The following CCDC152 variants were observed in gnomAD, a reference collection of about 807,000 sequenced individuals.
CCDC152 encodes the protein coiled-coil domain-containing protein 152.
A neutral mutation model predicts 38.1 loss-of-function variants in CCDC152; 37 were observed. The ratio of observed to expected loss-of-function variants is 0.97; its 90% CI spans 0.75 to 1.28. The LOEUF is 1.28. CCDC152 is among the 50% of genes most tolerant of loss of function. The probability of loss-of-function intolerance (pLI) is 0.00; values close to 1 mark genes in which losing one functional copy is unlikely to be tolerated. For synonymous variants in CCDC152, 83 were observed against 87.1 expected (o/e 0.95, Z 0.26); for missense variants, 259 against 292.1 (o/e 0.89, Z 0.83).
rs2111563164 is a variant in CCDC152 at position 42,779,591 on chromosome 5, A to AG, written c.327+69_327+70insG. 6.5e-6 allele frequency: 6 copies of AG among 928,976 alleles called. No individual in the cohort carries two copies. The East Asian group carries it at 1.6e-4, about 25-fold the overall frequency. 57.5% of individuals were successfully genotyped at this position (928,976 alleles called of 1,614,324 possible). On this transcript the variant is annotated intron_variant, in intron 5 of 8. Coordinates refer to ENST00000361970, the MANE Select transcript of CCDC152 (RefSeq NM_001134848.2). Reference sequence around the variant, plus strand: ...TTTATCTTTTCAAATTAGGAAAAAAAAAGAGGTTTTTAAATTAATAAACAC... The same window carrying AG: ...TTTATCTTTTCAAATTAGGAAAAAAAGAAGAGGTTTTTAAATTAATAAACAC...
intron 5 of CCDC152, 136 bp downstream of exon 5, chr5:42,779,658 T>A: frequency 2.2e-6 from 1 of 461,890 alleles, no homozygotes; most frequent in African/African-American, 2.0e-5. Context: ...GAGATATACG[T>A]ATATATGCCA....
chr5:42,797,218 C>T (rs1045791146), intron 7 of CCDC152, among the ~76,000 whole-genome samples: 1 of 152,238 alleles, frequency 6.6e-6, no homozygotes. Context: ...ATATTGCTTC[C>T]TCTGAGAACT....
At chr5:42,779,310 C>A in intron 4 of CCDC152, 148 bp from the exon 5 acceptor site, 1 of 584,806 alleles carries the variant, frequency 1.7e-6, no homozygotes. Context: ...TTCATATTCT[C>A]AGTGTCTAGC....
rs536394779 is a variant in CCDC152, at chr5:42,767,514, A to C, written c.194-2083A>C. Among the ~76,000 whole-genome samples, 4 of 152,296 alleles carry C rather than the reference A, an allele frequency of 2.6e-5. No individual in the cohort carries two copies. In the East Asian group the frequency reaches 7.7e-4, roughly 29 times the overall value. On this transcript the variant is annotated intron_variant, in intron 3 of 8. Coordinates refer to ENST00000361970, the MANE Select transcript of CCDC152 (RefSeq NM_001134848.2). ...CTTAATATTCTGACCTCTGGTTTTT[A>C]GGAAGAATTTAATAGGCCAGCATTT...
chr5:42,796,535 G>A (rs1485900955), intron 6 of CCDC152, among the ~76,000 whole-genome samples: 1 of 152,152 alleles, frequency 6.6e-6, no homozygotes, highest in Non-Finnish European at 1.5e-5. Flanking sequence ...CTCAGGCTTT[G>A]TGTCCCTCTT....
intron 3 of CCDC152, among the ~76,000 whole-genome samples, chr5:42,764,303 G>A (rs945168747): frequency 1.3e-5 from 2 of 152,130 alleles, no homozygotes; most frequent in Non-Finnish European, 2.9e-5. Flanking sequence ...CCAGTTACTC[G>A]GGAGATTGAG....
intron 4 of CCDC152, among the ~76,000 whole-genome samples, chr5:42,770,683 G>A (rs1759685563): frequency 6.6e-6 from 1 of 152,052 alleles, no homozygotes; most frequent in Non-Finnish European, 1.5e-5. Flanking sequence ...GAATGTCATT[G>A]GCATTTTGAT....
intron 6 of CCDC152, among the ~76,000 whole-genome samples, chr5:42,789,456 C>T (rs1412997482): frequency 6.6e-6 from 1 of 152,250 alleles, no homozygotes; most frequent in Middle Eastern, 3.4e-3. Context: ...CCTTGGCCTC[C>T]CAAAGTGCTG....
chr5:42,773,754 T>C (rs1759731367), intron 4 of CCDC152, among the ~76,000 whole-genome samples: 1 of 152,198 alleles, frequency 6.6e-6, no homozygotes, highest in Non-Finnish European at 1.5e-5. Context: ...CATATTAAGT[T>C]AAAAAGTAGT....
In CCDC152 at chr5:42,800,884, A is replaced by C. The variant is rs1282353306; in HGVS notation, c.*1103A>C. 1.2e-6 allele frequency: 2 copies of C among 1,614,220 alleles called. No individual in the cohort carries two copies. Among genetic ancestry groups the C allele is most frequent in the Middle Eastern group, 1.6e-4 (1 of 6,062 alleles). On this transcript the variant is annotated 3_prime_UTR_variant, in exon 9 of 9. Transcript: ENST00000361970. Reference sequence around the variant, plus strand: ...TCTGCCCGAAGTCCCTGTCAGCTACATAAAGATGGGAGGTTTTCTTTACAC... The same window carrying C: ...TCTGCCCGAAGTCCCTGTCAGCTACCTAAAGATGGGAGGTTTTCTTTACAC...
chr5:42,791,842 A>C (rs1177566088), intron 6 of CCDC152, among the ~76,000 whole-genome samples: 1 of 152,196 alleles, frequency 6.6e-6, no homozygotes, highest in African/African-American at 2.4e-5. Flanking sequence ...CAGCAGCCTC[A>C]AAATCTGTTC....
chr5:42,799,027 T>TTA (rs1417350928), intron 7 of CCDC152, among the ~76,000 whole-genome samples: 1 of 152,204 alleles, frequency 6.6e-6, no homozygotes, highest in Non-Finnish European at 1.5e-5. Context: ...TTAAACTAGA[T>TTA]TCTAAACCCT....
intron 6 of CCDC152, among the ~76,000 whole-genome samples, chr5:42,786,633 C>T (rs1759924696): frequency 6.6e-6 from 1 of 151,748 alleles, no homozygotes; most frequent in Non-Finnish European, 1.5e-5. Context: ...GTTTTGTTTT[C>T]ATCTCATTTT....
intron 4 of CCDC152, among the ~76,000 whole-genome samples, chr5:42,777,063 G>A (rs1045856737): frequency 1.4e-4 from 21 of 151,668 alleles, no homozygotes; most frequent in African/African-American, 5.1e-4. Context: ...AAATAAAGCA[G>A]AAATTAATAA....
rs1373828494 is a variant in CCDC152 at position 42,796,868 on chromosome 5, A to G, written c.470A>G (p.Lys157Arg). The change falls in exon 7 of 9, where the codon AAA (lysine) becomes AGA (arginine). Residue 157 changes from lysine (K) to arginine (R), a missense_variant. Lys to Arg is a conservative substitution (Grantham distance 26, BLOSUM62 2). Coordinates refer to ENST00000361970, the MANE Select transcript of CCDC152 (RefSeq NM_001134848.2). ...NEEKHKELIEKKEMEISELNA... is the reference protein window; with the variant it reads ...NEEKHKELIERKEMEISELNA... ...GAAAAGCACAAAGAACTAATAGAGA[A>G]AAAGGAGATGGAAATTTCAGAGTTA... 3 of 1,525,932 alleles carry G rather than the reference A, an allele frequency of 2.0e-6. No individual in the cohort carries two copies. The African/African-American group carries it at 4.2e-5, about 21-fold the overall frequency. 94.5% of individuals were successfully genotyped at this position (1,525,932 alleles called of 1,614,324 possible). A position where few individuals can be genotyped will look rare whatever the true frequency, so the allele number is the denominator to read the frequency against.
chr5:42,792,779 C>T (rs757178337), intron 6 of CCDC152, among the ~76,000 whole-genome samples: 1 of 152,170 alleles, frequency 6.6e-6, no homozygotes, highest in Non-Finnish European at 1.5e-5. Context: ...CTTCCATACC[C>T]TGTCATTGAC....
At chr5:42,794,388 T>TA (rs1258499860) in intron 6 of CCDC152, among the ~76,000 whole-genome samples, 1 of 152,184 alleles carries the variant, frequency 6.6e-6, no homozygotes, top group Non-Finnish European at 1.5e-5. Flanking sequence ...TTCTAGCAGC[T>TA]AAAAAAAGAA....
Position 42,762,461 on chromosome 5 carries a change from G to T in CCDC152, c.106G>T (p.Gly36Ter). 6.6e-7 allele frequency: 1 copy of T among 1,512,234 alleles called. No individual in the cohort carries two copies. The highest frequency in any genetic ancestry group is 1.2e-5 in the South Asian group (1 of 82,076). The allele number at this position is 1,512,234 out of a possible 1,614,324, so 93.7% of individuals were successfully genotyped here. A position where few individuals can be genotyped will look rare whatever the true frequency, so the allele number is the denominator to read the frequency against. ...TCTACAGAAAATGGTAGAAACCAATGGAAAGAACAATATACTGGATATTCA... is the reference window on the plus strand; with the variant it reads ...TCTACAGAAAATGGTAGAAACCAATTGAAAGAACAATATACTGGATATTCA... ...QIEKKMVETN[G>*]KNNILDIQLE... is the part of the protein sequence containing the mutation. The change falls in exon 3 of 9, where the codon GGA becomes TGA. Residue 36 changes from glycine (G) to a stop codon, truncating the protein, a stop_gained. Coordinates refer to ENST00000361970, the MANE Select transcript of CCDC152 (RefSeq NM_001134848.2). LOFTEE classifies it high-confidence loss of function.
chr5:42,764,309 T>TGAGGGGGGAGAC, intron 3 of CCDC152, among the ~76,000 whole-genome samples: 1 of 152,020 alleles, frequency 6.6e-6, no homozygotes, highest in East Asian at 1.9e-4. Flanking sequence ...ACTCGGGAGA[T>TGAGGGGGGAGAC]TGAGGGAGGA....
Sources: allele counts gnomAD v4.1 joint callset (sites outside exome capture counted in the v4.1 genomes callset), GRCh38; gene constraint gnomAD v4.1.1; transcripts MANE v1.5; gene names NCBI Gene and HGNC (gene_info 2026-07-23, HGNC 2026-07-21).